The following TRIM32 variants were observed in gnomAD, a reference collection of about 807,000 sequenced individuals.
The protein encoded by TRIM32 is E3 ubiquitin-protein ligase TRIM32.
TRIM32 carries 19 observed loss-of-function variants against 36.0 expected under a neutral mutation model. The observed-to-expected ratio is 0.53, with a 90% CI of 0.37 to 0.77. TRIM32 has a LOEUF of 0.77. TRIM32 is among the 30% of genes least tolerant of loss of function. The pLI is 0.00. For synonymous variants in TRIM32, 309 were observed against 318.5 expected (o/e 0.97, Z 0.32); for missense variants, 747 against 845.2 (o/e 0.88, Z 1.44).
rs1554732623 is a variant in TRIM32, at chr9:116,697,936, GCAAGATTACC to G, written c.196_205del (p.Lys66AlafsTer2). 1 of 1,614,188 alleles carries G rather than the reference GCAAGATTACC, an allele frequency of 6.2e-7. No individual in the cohort carries two copies. Among genetic ancestry groups the G allele is most frequent in the Non-Finnish European group, 8.5e-7 (1 of 1,180,042 alleles). On this transcript the variant is annotated frameshift_variant, in exon 2 of 2. Coordinates refer to ENST00000450136, the MANE Select transcript of TRIM32 (RefSeq NM_012210.4). LOFTEE classifies it high-confidence loss of function. Reference sequence around the variant, plus strand: ...AATGGTGTCCGCTGTCCCTTTTGCAGCAAGATTACCCGCATAACCAGCTTGACCCAGCTGA... The same window carrying G: ...AATGGTGTCCGCTGTCCCTTTTGCAGCGCATAACCAGCTTGACCCAGCTGA...
At chr9:116,695,911 C>T (rs1445680087) in intron 1 of TRIM32, among the ~76,000 whole-genome samples, 1 of 152,178 alleles carries the variant, frequency 6.6e-6, no homozygotes, top group Non-Finnish European at 1.5e-5. Flanking sequence ...TTTAAATCAT[C>T]TAGGCTTGAG....
intron 1 of TRIM32, among the ~76,000 whole-genome samples, chr9:116,694,624 C>G (rs1374949640): frequency 2.8e-5 from 3 of 106,492 alleles, no homozygotes; most frequent in Admixed American, 1.1e-4. Context: ...CCACGCCCAG[C>G]TAATTTTTTT....
chr9:116,690,390 C>A (rs947291289), intron 1 of TRIM32, among the ~76,000 whole-genome samples: 14 of 152,214 alleles, frequency 9.2e-5, no homozygotes, highest in African/African-American at 2.9e-4. Context: ...TTCTGTCTTA[C>A]ACCTATGTTA....
Position 116,699,464 on chromosome 9 carries a change from T to C in TRIM32, c.1722T>C (p.Asp574=). 6.2e-7 allele frequency: 1 copy of C among 1,614,168 alleles called. No individual in the cohort carries two copies. Among genetic ancestry groups the C allele is most frequent in the Admixed American group, 1.7e-5 (1 of 60,026 alleles). ...GCCACTTCTTCTCGGAGAATGAGGATTTCCGCTGCATTGCTGGCATGTGTG... is the reference window on the plus strand; with the variant it reads ...GCCACTTCTTCTCGGAGAATGAGGACTTCCGCTGCATTGCTGGCATGTGTG... ...QISHFFSENE[D]FRCIAGMCVD... is the part of the protein sequence containing the mutation. The change falls in exon 2 of 2, where the codon GAT becomes GAC. Residue 574 remains aspartate (D), a synonymous_variant. Transcript: ENST00000450136. The surrounding 1 kb of genome is among the most constrained non-coding windows in gnomAD (Gnocchi z 4.2).
intron 1 of TRIM32, among the ~76,000 whole-genome samples, chr9:116,696,819 A>G (rs889940802): frequency 7.2e-5 from 11 of 152,148 alleles, no homozygotes; most frequent in Admixed American, 2.6e-4. Context: ...GTAGGAGGAT[A>G]GATGCGTGGA....
Position 116,697,659 on chromosome 9 carries a change from T to C in TRIM32, c.-81-3T>C. On this transcript the variant is annotated splice_region_variant and splice_polypyrimidine_tract_variant and intron_variant, in intron 1 of 1. Transcript: ENST00000450136. Reference sequence around the variant, plus strand: ...ATGAATAATGGTTTCTTTTTCTCTTTAGCAGGAATTTGACCCTCTAGGGCA... The same window carrying C: ...ATGAATAATGGTTTCTTTTTCTCTTCAGCAGGAATTTGACCCTCTAGGGCA... The C allele has an allele frequency of 1.3e-6, 2 of 1,555,034 alleles. No individual in the cohort carries two copies. The highest frequency in any genetic ancestry group is 1.8e-6 in the Non-Finnish European group (2 of 1,139,056).
chr9:116,687,339 G>A lies in TRIM32; in HGVS notation c.-124G>A, dbSNP rs752864284. 992 of 909,894 alleles carry A rather than the reference G, an allele frequency of 1.1e-3. 1 individual carries two copies. Among genetic ancestry groups the A allele is most frequent in the Non-Finnish European group, 1.2e-3 (940 of 761,504 alleles). The allele number at this position is 909,894 out of a possible 1,614,324, so 56.4% of individuals were successfully genotyped here. ...CGCGTGCGCAGAGGGAGGCAGGCGGGTGGGCTGCCGGCGGTGGACTCGTCG... is the reference window on the plus strand; with the variant it reads ...CGCGTGCGCAGAGGGAGGCAGGCGGATGGGCTGCCGGCGGTGGACTCGTCG... On this transcript the variant is annotated 5_prime_UTR_variant, in exon 1 of 2. The change creates a new upstream start codon in the 5' untranslated region. Transcript: ENST00000450136.
intron 1 of TRIM32, among the ~76,000 whole-genome samples, chr9:116,692,284 A>G (rs899739882): frequency 3.9e-5 from 6 of 152,142 alleles, no homozygotes; most frequent in Non-Finnish European, 8.8e-5. Flanking sequence ...GAGGGCTTAG[A>G]ATTTTTATTA....
chr9:116,688,342 A>G (rs1401720062), intron 1 of TRIM32, among the ~76,000 whole-genome samples: 2 of 152,056 alleles, frequency 1.3e-5, no homozygotes, highest in African/African-American at 4.8e-5. Flanking sequence ...GACCCTGAGT[A>G]GATTTGTGGA....
At chr9:116,697,364 A>G (rs897391125) in intron 1 of TRIM32, 4 of 280,950 alleles carry the variant, frequency 1.4e-5, no homozygotes, top group Non-Finnish European at 6.9e-6. Context: ...TATTACTTCT[A>G]TTTTACAGAT....
chr9:116,690,746 A>G (rs1447230433), intron 1 of TRIM32, among the ~76,000 whole-genome samples: 1 of 152,170 alleles, frequency 6.6e-6, no homozygotes, highest in Admixed American at 6.5e-5. Context: ...TGGACAGGCT[A>G]CTTTCTCTGA....
intron 1 of TRIM32, among the ~76,000 whole-genome samples, chr9:116,689,494 A>T (rs1374284967): frequency 6.6e-6 from 1 of 152,212 alleles, no homozygotes; most frequent in Non-Finnish European, 1.5e-5. Context: ...TCAGTTTTAC[A>T]CATGAGGAAA....
At chr9:116,689,114 C>G (rs998290301) in intron 1 of TRIM32, among the ~76,000 whole-genome samples, 1 of 152,152 alleles carries the variant, frequency 6.6e-6, no homozygotes, top group East Asian at 1.9e-4. Context: ...CCTTCCCCCC[C>G]GCAGTAAGGA....
intron 1 of TRIM32, chr9:116,697,324 C>T: frequency 4.5e-6 from 1 of 223,288 alleles, no homozygotes; most frequent in Non-Finnish European, 9.1e-6. Context: ...TTACTTAGCC[C>T]TTATAATAAC....
Position 116,697,682 on chromosome 9 carries a change from G to T in TRIM32, c.-61G>T. 6.2e-7 allele frequency: 1 copy of T among 1,604,676 alleles called. No individual in the cohort carries two copies. The highest frequency in any genetic ancestry group is 2.2e-5 in the East Asian group (1 of 44,822). ...TTTAGCAGGAATTTGACCCTCTAGGGCATGAATACTGTGCTGTTCAGTTCT... is the reference window on the plus strand; with the variant it reads ...TTTAGCAGGAATTTGACCCTCTAGGTCATGAATACTGTGCTGTTCAGTTCT... On this transcript the variant is annotated 5_prime_UTR_variant, in exon 2 of 2. Transcript: ENST00000450136.
At position 116,698,742 on chromosome 9, in the gene TRIM32, G is replaced by C. The variant is rs753733923; in HGVS notation, c.1000G>C (p.Ala334Pro). Residue 334 changes from alanine to proline, a missense_variant, in exon 2 of 2, where the codon GCC becomes CCC. Transcript: ENST00000450136. The surrounding 1 kb of genome is among the most constrained non-coding windows in gnomAD (Gnocchi z 4.4). The stretch of plus-strand genomic sequence containing the variant: ...GGACATGAGCCCGGAGGAAGTGGTT[G>C]CCAGCCCTAGGGCCTCACCTGCTAA... ...EMDMSPEEVV[A>P]SPRASPAKQR... The C allele has an allele frequency of 1.2e-6, 2 of 1,614,160 alleles. No homozygotes were observed. The highest frequency in any genetic ancestry group is 1.7e-5 in the Admixed American group (1 of 60,028).
Position 116,694,459 on chromosome 9 carries a change from C to CTTTTTTTTT in TRIM32, c.-81-3191_-81-3183dup, listed in dbSNP as rs56666915. Among the ~76,000 whole-genome samples, 14 of 88,042 alleles carry CTTTTTTTTT rather than the reference C, an allele frequency of 1.6e-4. 1 individual carries two copies. The highest frequency in any genetic ancestry group is 3.8e-4 in the East Asian group (1 of 2,622). 57.8% of individuals were successfully genotyped at this position (88,042 alleles called of 152,430 possible). ...GCATGGATCCTGAGTTGTAATTTCT[C>CTTTTTTTTT]TTTTTTTTTTTTTTTTTTTTGAGAT... On this transcript the variant is annotated intron_variant, in intron 1 of 1. Coordinates refer to ENST00000450136, the MANE Select transcript of TRIM32 (RefSeq NM_012210.4).
chr9:116,689,518 AG>A (rs766064961), intron 1 of TRIM32, among the ~76,000 whole-genome samples: 1 of 152,164 alleles, frequency 6.6e-6, no homozygotes, highest in Non-Finnish European at 1.5e-5. Flanking sequence ...AGGCTTAGGA[AG>A]TGACTTGCCT....
In TRIM32 at chr9:116,699,800, T is replaced by C. The variant is rs968100197; in HGVS notation, c.*96T>C. On this transcript the variant is annotated 3_prime_UTR_variant, in exon 2 of 2. Transcript: ENST00000450136. This position sits in a 1 kb window ranked among gnomAD's most constrained non-coding sequence, Gnocchi z 4.2. ...GCACATGCAGAATAGACTCAGCCTATGTCCTGATTCCAGCTGGGTAGTTCT... is the reference window on the plus strand; with the variant it reads ...GCACATGCAGAATAGACTCAGCCTACGTCCTGATTCCAGCTGGGTAGTTCT... 7 of 1,549,368 alleles carry C rather than the reference T, an allele frequency of 4.5e-6. No individual in the cohort carries two copies. In the East Asian group the frequency reaches 1.4e-4, roughly 30 times the overall value.
Sources: gnomAD v4.1 joint callset for allele counts (sites outside exome capture counted in the v4.1 genomes callset) on GRCh38, gnomAD v4.1.1 for gene constraint, Gnocchi (gnomAD v3.1) non-coding constraint, MANE v1.5 for transcripts, NCBI Gene and HGNC (gene_info 2026-07-23, HGNC 2026-07-21) for gene names.